Variants in PLAGL1 observed in about 807,000 individuals in gnomAD.
PLAGL1 encodes the protein zinc finger protein PLAGL1.
Under a neutral mutation model 4.6 loss-of-function variants are expected in PLAGL1, and 1 was observed. The ratio of observed to expected loss-of-function variants is 0.22; its 90% CI spans 0.08 to 1.03. PLAGL1 has a LOEUF of 1.03. Ranked by LOEUF, PLAGL1 falls within the 50% of genes least tolerant of loss-of-function variation. PLAGL1 has a pLI of 0.58. For missense variants in PLAGL1, 464 were observed against 570.4 expected (o/e 0.81, Z 1.90); for synonymous variants, 240 against 237.8 (o/e 1.01, Z -0.08).
chr6:144,028,806 T>C (rs1222512878), intron 1 of PLAGL1, among the ~76,000 whole-genome samples: 1 of 152,192 alleles, frequency 6.6e-6, no homozygotes, highest in Non-Finnish European at 1.5e-5. Context: ...TACAATATCA[T>C]CCATGATGCT....
At chr6:144,054,131 TA>T (rs1390031927) in intron 1 of PLAGL1, among the ~76,000 whole-genome samples, 1 of 148,634 alleles carries the variant, frequency 6.7e-6, no homozygotes, top group East Asian at 1.9e-4. Context: ...TGCATGAAAT[TA>T]TAAAATATAT....
At chr6:144,032,166 G>A (rs960554534) in intron 1 of PLAGL1, among the ~76,000 whole-genome samples, 1 of 150,934 alleles carries the variant, frequency 6.6e-6, no homozygotes, top group Non-Finnish European at 1.5e-5. Flanking sequence ...TGTTGCCCAG[G>A]CTGGAGTGCA....
intron 1 of PLAGL1, among the ~76,000 whole-genome samples, chr6:143,996,951 G>A (rs1791752456): frequency 6.6e-6 from 1 of 152,106 alleles, no homozygotes; most frequent in African/African-American, 2.4e-5. Context: ...TCATGATTGA[G>A]GGATAGACAA....
rs1785164344 is a variant in PLAGL1 at position 143,970,198 on chromosome 6, T to C, written c.-543-1220A>G. 6.6e-6 allele frequency among the ~76,000 whole-genome samples: 1 copy of C among 152,194 alleles called. No individual in the cohort carries two copies. The highest frequency in any genetic ancestry group is 2.4e-5 in the African/African-American group (1 of 41,444). ...ATGTGTTTTTAAAATAACGAAACCATATCAATTTGAATCTTACTAATGCAA... is the reference window on the plus strand; with the variant it reads ...ATGTGTTTTTAAAATAACGAAACCACATCAATTTGAATCTTACTAATGCAA... On this transcript the variant is annotated intron_variant, in intron 2 of 7. Transcript: ENST00000674357. The surrounding 1 kb of genome is among the most constrained non-coding windows in gnomAD (Gnocchi z 5.8).
chr6:143,943,713 A>G lies in PLAGL1; in HGVS notation c.153-1050T>C, dbSNP rs147371136. Among the ~76,000 whole-genome samples, 671 of 152,090 alleles carry G rather than the reference A, an allele frequency of 4.4e-3. 4 individuals carry two copies. Among genetic ancestry groups the G allele is most frequent in the African/African-American group, 0.015 (608 of 41,328 alleles). The stretch of plus-strand genomic sequence containing the variant: ...TTTCTTCTTTAAATATGAAGCTGCT[A>G]CTTCTAATAAGAGTTGTAAGTTTGT... On this transcript the variant is annotated intron_variant, in intron 7 of 7. Coordinates refer to ENST00000674357, the MANE Select transcript of PLAGL1 (RefSeq NM_001317162.2).
At chr6:143,998,262 A>G in intron 1 of PLAGL1, among the ~76,000 whole-genome samples, 1 of 152,190 alleles carries the variant, frequency 6.6e-6, no homozygotes, top group Non-Finnish European at 1.5e-5. Context: ...ATGAAAGCAA[A>G]GCTTTCACTG....
chr6:144,043,265 G>T (rs1288960927), intron 1 of PLAGL1, among the ~76,000 whole-genome samples: 1 of 152,160 alleles, frequency 6.6e-6, no homozygotes, highest in Non-Finnish European at 1.5e-5. Flanking sequence ...TATTCAAAGG[G>T]AATGCTTCCA....
In PLAGL1 at chr6:143,995,086, T is replaced by C. The variant is rs1261196564; in HGVS notation, c.-583-9912A>G. On this transcript the variant is annotated intron_variant, in intron 1 of 7. Coordinates refer to ENST00000674357, the MANE Select transcript of PLAGL1 (RefSeq NM_001317162.2). The surrounding 1 kb of genome is among the most constrained non-coding windows in gnomAD (Gnocchi z 4.4). Reference sequence around the variant, plus strand: ...GTATTACTTATTAACTGTCTGATATTGGGAAAGGCTTCATTCTTTCTCAGC... The same window carrying C: ...GTATTACTTATTAACTGTCTGATATCGGGAAAGGCTTCATTCTTTCTCAGC... 4.6e-5 allele frequency among the ~76,000 whole-genome samples: 7 copies of C among 152,170 alleles called. No individual in the cohort carries two copies. The highest frequency in any genetic ancestry group is 1.0e-4 in the Non-Finnish European group (7 of 68,034).
At chr6:143,980,388 G>GTT (rs71024882) in intron 2 of PLAGL1, among the ~76,000 whole-genome samples, 5 of 133,358 alleles carry the variant, frequency 3.7e-5, no homozygotes, top group South Asian at 2.4e-4. Flanking sequence ...CTTTTTTCTA[G>GTT]TTTTTTTTTT....
At chr6:144,014,457 CGGGTACTGACATAAGGGTACCGACAGTA>C (rs1795430995) in intron 1 of PLAGL1, among the ~76,000 whole-genome samples, 2 of 151,756 alleles carry the variant, frequency 1.3e-5, no homozygotes, top group Non-Finnish European at 2.9e-5. Context: ...AAAAGACAGT[CGGGTACTGACATAAGGGTACCGACAGTA>C]GGGTACTGAC....
rs1787098325 is a variant in PLAGL1, at chr6:143,978,010, A to G, written c.-544+7125T>C. ...CTCTTACTAATCCTGTATTTTATCC[A>G]TGGGATTAGCAGAATAACACCTCTT... On this transcript the variant is annotated intron_variant, in intron 2 of 7. Transcript: ENST00000674357. The surrounding 1 kb of genome is among the most constrained non-coding windows in gnomAD (Gnocchi z 4.6). Among the ~76,000 whole-genome samples, 1 of 152,174 alleles carries G rather than the reference A, an allele frequency of 6.6e-6. No homozygotes were observed. Among genetic ancestry groups the G allele is most frequent in the African/African-American group, 2.4e-5 (1 of 41,444 alleles).
rs896000323 is a variant in PLAGL1, at chr6:143,945,273, A to G, written c.153-2610T>C. On this transcript the variant is annotated intron_variant, in intron 7 of 7. Transcript: ENST00000674357. The surrounding 1 kb of genome is among the most constrained non-coding windows in gnomAD (Gnocchi z 4.2). Reference sequence around the variant, plus strand: ...TGTCCTAGAGTCAGTACCCAATGCCACCATCTTTGGGTATCATCTGGATCA... The same window carrying G: ...TGTCCTAGAGTCAGTACCCAATGCCGCCATCTTTGGGTATCATCTGGATCA... Among the ~76,000 whole-genome samples the G allele has an allele frequency of 6.6e-6, 1 of 152,140 alleles. No individual in the cohort carries two copies. The highest frequency in any genetic ancestry group is 1.5e-5 in the Non-Finnish European group (1 of 68,038).
chr6:144,058,139 T>C (rs1275785264), intron 1 of PLAGL1, among the ~76,000 whole-genome samples: 9 of 152,214 alleles, frequency 5.9e-5, no homozygotes, highest in African/African-American at 2.2e-4. Context: ...AGCATGGTGC[T>C]GACATATGCT....
intron 1 of PLAGL1, among the ~76,000 whole-genome samples, chr6:144,003,566 G>C (rs1029178469): frequency 6.7e-6 from 1 of 149,904 alleles, no homozygotes; most frequent in African/African-American, 2.5e-5. Flanking sequence ...GGAGTTTGCA[G>C]TGAGCCGAGG....
At chr6:144,062,529 T>C (rs183580354) in intron 1 of PLAGL1, among the ~76,000 whole-genome samples, 55 of 147,796 alleles carry the variant, frequency 3.7e-4, no homozygotes, top group Non-Finnish European at 6.1e-4. Context: ...TCCTCAATTA[T>C]ATGTGTGGCT....
intron 6 of PLAGL1, among the ~76,000 whole-genome samples, chr6:143,956,585 T>C (rs998856545): frequency 1.3e-5 from 2 of 152,234 alleles, no homozygotes; most frequent in Non-Finnish European, 2.9e-5. Flanking sequence ...TGGTTATCTC[T>C]TCTACTAGAA....
intron 1 of PLAGL1, among the ~76,000 whole-genome samples, chr6:143,986,702 G>A (rs1789250407): frequency 6.6e-6 from 1 of 152,082 alleles, no homozygotes; most frequent in Non-Finnish European, 1.5e-5. Flanking sequence ...TTATTACTGA[G>A]GACTAATATT....
intron 1 of PLAGL1, among the ~76,000 whole-genome samples, chr6:143,998,476 T>C (rs1218303881): frequency 6.6e-6 from 1 of 152,204 alleles, no homozygotes; most frequent in East Asian, 1.9e-4. Context: ...TTCTTCACAA[T>C]TTAAAAGAGA....
In PLAGL1 at chr6:143,945,571, G is replaced by T. The variant is rs1284808203; in HGVS notation, c.152+2414C>A. ...GCTCACTGCAACCTCTGCCTCCCGGGTTCAAGTGATCCTCCTACCTCAGCC... is the reference window on the plus strand; with the variant it reads ...GCTCACTGCAACCTCTGCCTCCCGGTTTCAAGTGATCCTCCTACCTCAGCC... On this transcript the variant is annotated intron_variant, in intron 7 of 7. Transcript: ENST00000674357. The surrounding 1 kb of genome is among the most constrained non-coding windows in gnomAD (Gnocchi z 4.2). Among the ~76,000 whole-genome samples, 1 of 152,136 alleles carries T rather than the reference G, an allele frequency of 6.6e-6. No homozygotes were observed. The highest frequency in any genetic ancestry group is 1.9e-4 in the East Asian group (1 of 5,196).
Sources: allele counts gnomAD v4.1 joint callset (sites outside exome capture counted in the v4.1 genomes callset), GRCh38; gene constraint gnomAD v4.1.1; non-coding constraint Gnocchi (gnomAD v3.1); transcripts MANE v1.5; gene names NCBI Gene and HGNC (gene_info 2026-07-23, HGNC 2026-07-21).